NLGN1: variants seen among roughly 807,000 people sequenced by gnomAD.
NLGN1 encodes the protein neuroligin-1.
NLGN1 carries 12 observed loss-of-function variants against 65.5 expected under a neutral mutation model. The ratio of observed to expected loss-of-function variants is 0.18; its 90% confidence interval spans 0.12 to 0.30. The LOEUF (loss-of-function observed/expected upper bound fraction) is 0.30, where lower values mean the gene tolerates loss of function less well. Ranked by LOEUF, NLGN1 falls within the 10% of genes least tolerant of loss-of-function variation. NLGN1 has a pLI of 1.00. For missense variants in NLGN1, 750 were observed against 1,007.1 expected (o/e 0.74, Z 3.46); for synonymous variants, 350 against 359.5 (o/e 0.97, Z 0.30).
At chr3:173,763,558 C>T (rs1778320231) in intron 3 of NLGN1, among the ~76,000 whole-genome samples, 1 of 152,016 alleles carries the variant, frequency 6.6e-6, no homozygotes, top group African/African-American at 2.4e-5. Flanking sequence ...GTTTCCTAGA[C>T]CTGTGAAACT....
At chr3:173,967,055 A>G (rs1278758637) in intron 4 of NLGN1, among the ~76,000 whole-genome samples, 1 of 152,222 alleles carries the variant, frequency 6.6e-6, no homozygotes, top group Non-Finnish European at 1.5e-5. Flanking sequence ...CAAGGTCAGC[A>G]ACAGCAGGAT....
intron 4 of NLGN1, among the ~76,000 whole-genome samples, chr3:174,265,762 G>C (rs761717644): frequency 7.8e-4 from 88 of 112,554 alleles, no homozygotes; most frequent in Non-Finnish European, 1.2e-3. Flanking sequence ...AACTAAGAAG[G>C]CTATATATAT....
At chr3:173,509,585 C>T (rs1485327741) in intron 2 of NLGN1, among the ~76,000 whole-genome samples, 1 of 152,076 alleles carries the variant, frequency 6.6e-6, no homozygotes, top group Non-Finnish European at 1.5e-5. Flanking sequence ...AAACGCTGCA[C>T]TCTAGCCAGG....
intron 3 of NLGN1, among the ~76,000 whole-genome samples, chr3:173,717,139 C>T (rs554762858): frequency 6.6e-6 from 1 of 152,236 alleles, no homozygotes; most frequent in African/African-American, 2.4e-5. Context: ...GAAGCTTCAG[C>T]CAATTTGGTA....
chr3:174,004,356 G>A (rs779522679), intron 4 of NLGN1, among the ~76,000 whole-genome samples: 27 of 152,120 alleles, frequency 1.8e-4, no homozygotes, highest in Admixed American at 1.6e-3. Flanking sequence ...CAAGTTATCC[G>A]TTGTGTAGAT....
At chr3:173,773,740 A>G (rs1779912614) in intron 3 of NLGN1, among the ~76,000 whole-genome samples, 1 of 152,194 alleles carries the variant, frequency 6.6e-6, no homozygotes, top group South Asian at 2.1e-4. Context: ...AGGTTCATAA[A>G]TTTAAAAATC....
At chr3:174,290,374 A>C (rs1453941954), downstream of NLGN1, among the ~76,000 whole-genome samples, 1 of 150,972 alleles carries the variant, frequency 6.6e-6, no homozygotes, top group Non-Finnish European at 1.5e-5. Flanking sequence ...AAGAGAAAAG[A>C]GAGATGCCTC....
chr3:174,124,444 G>A (rs985650163), intron 4 of NLGN1, among the ~76,000 whole-genome samples: 3 of 150,378 alleles, frequency 2.0e-5, no homozygotes, highest in Non-Finnish European at 4.4e-5. Flanking sequence ...CTGTTCTATG[G>A]GAGAGATTAA....
rs1329448199 is a variant in NLGN1, at chr3:173,846,527, T to A, written c.646+38695T>A. Among the ~76,000 whole-genome samples, 3 of 152,292 alleles carry A rather than the reference T, an allele frequency of 2.0e-5. No individual in the cohort carries two copies. The East Asian group carries it at 5.8e-4, about 29-fold the overall frequency. On this transcript the variant is annotated intron_variant, in intron 4 of 6. Transcript: ENST00000457714. ...TAAAATCCCACCAAAATAAGCTGCATGTTTCTTAATTATGCTACATCTAGG... is the reference window on the plus strand; with the variant it reads ...TAAAATCCCACCAAAATAAGCTGCAAGTTTCTTAATTATGCTACATCTAGG...
chr3:174,185,774 T>A (rs1577263312), intron 4 of NLGN1, among the ~76,000 whole-genome samples: 1 of 150,340 alleles, frequency 6.7e-6, no homozygotes, highest in African/African-American at 2.4e-5. Context: ...TTTAAAAAAA[T>A]GTCAGTAAAG....
intron 4 of NLGN1, among the ~76,000 whole-genome samples, chr3:174,217,701 CT>C (rs1387755503): frequency 6.6e-6 from 1 of 152,022 alleles, no homozygotes; most frequent in South Asian, 2.1e-4. Context: ...TTCAACTTAT[CT>C]TTTGGAGAGA....
rs191963035 is a variant in NLGN1 at position 173,520,974 on chromosome 3, A to G, written c.-320-83305A>G. ...ATGGCAATTGAAGTTAGCAGGCATA[A>G]TAAGGCTGGATAGTGTTCAGTGTGT... is the stretch of plus-strand genomic sequence containing the variant. On this transcript the variant is annotated intron_variant, in intron 2 of 6. Coordinates refer to ENST00000457714, the Ensembl canonical transcript of NLGN1. Among the ~76,000 whole-genome samples, 465 of 152,302 alleles carry G rather than the reference A, an allele frequency of 3.1e-3. 7 individuals carry two copies. Among genetic ancestry groups the G allele is most frequent in the Admixed American group, 0.028 (432 of 15,292 alleles).
At chr3:174,078,175 C>T (rs1357254136) in intron 4 of NLGN1, among the ~76,000 whole-genome samples, 1 of 151,998 alleles carries the variant, frequency 6.6e-6, no homozygotes, top group East Asian at 1.9e-4. Context: ...AGGAGAGGAA[C>T]AGGTAAGATA....
chr3:173,579,617 C>T (rs1746067249), intron 2 of NLGN1, among the ~76,000 whole-genome samples: 1 of 152,204 alleles, frequency 6.6e-6, no homozygotes, highest in Non-Finnish European at 1.5e-5. Context: ...CAATACGTAT[C>T]TGAAATATAG....
intron 4 of NLGN1, among the ~76,000 whole-genome samples, chr3:173,965,121 A>G (rs903741131): frequency 6.6e-6 from 1 of 152,078 alleles, no homozygotes; most frequent in Admixed American, 6.5e-5. Context: ...CCATGCTTTC[A>G]CTGTATCCTT....
intron 4 of NLGN1, among the ~76,000 whole-genome samples, chr3:174,124,609 GTA>G (rs1357421754): frequency 2.1e-5 from 3 of 141,672 alleles, no homozygotes; most frequent in Non-Finnish European, 3.0e-5. Flanking sequence ...ACATATATAC[GTA>G]TATATACGTA....
At chr3:173,470,544 T>C (rs1049634678) in intron 2 of NLGN1, among the ~76,000 whole-genome samples, 5 of 152,124 alleles carry the variant, frequency 3.3e-5, no homozygotes, top group Admixed American at 1.3e-4. Flanking sequence ...TGTCACTTGT[T>C]AGCCATGTGA....
rs535123173 is a variant in NLGN1, at chr3:173,715,432, A to G, written c.494-92248A>G. 4.0e-3 allele frequency among the ~76,000 whole-genome samples: 605 copies of G among 152,196 alleles called. 5 individuals are homozygous for G. The highest frequency in any genetic ancestry group is 0.01 in the Middle Eastern group (3 of 292). On this transcript the variant is annotated intron_variant, in intron 3 of 6. Coordinates refer to ENST00000457714, the Ensembl canonical transcript of NLGN1. ...GCCACTTCTTTTTTCCTTGTTCCAT[A>G]AGTGATGGGTGATTTTCTTGGCGTG...
intron 3 of NLGN1, among the ~76,000 whole-genome samples, chr3:173,683,258 T>C (rs1199757540): frequency 1.3e-5 from 2 of 152,198 alleles, no homozygotes; most frequent in South Asian, 2.1e-4. Flanking sequence ...AAACTATCAT[T>C]CCTACACATT....
Sources: allele counts gnomAD v4.1 joint callset (sites outside exome capture counted in the v4.1 genomes callset), GRCh38; gene constraint gnomAD v4.1.1; transcripts MANE v1.5; gene names NCBI Gene and HGNC (gene_info 2026-07-23, HGNC 2026-07-21).